The following EBF1 variants were observed in gnomAD, a reference collection of about 807,000 sequenced individuals.
The protein encoded by EBF1 is transcription factor COE1.
Under a neutral mutation model 68.4 loss-of-function variants are expected in EBF1, and 10 were observed. That is an observed-to-expected ratio of 0.15 (90% confidence interval 0.09 to 0.25). The LOEUF (loss-of-function observed/expected upper bound fraction) is 0.25, where lower values mean the gene tolerates loss of function less well. Among genes scored for constraint, EBF1 ranks in the 10% least tolerant of loss-of-function variants. The probability of loss-of-function intolerance (pLI) is 1.00; values close to 1 mark genes in which losing one functional copy is unlikely to be tolerated. For missense variants in EBF1, 509 were observed against 794.4 expected, an observed-to-expected ratio of 0.64 and a Z score of 4.32; for synonymous variants, 298 against 299.8, an observed-to-expected ratio of 0.99 and a Z score of 0.06.
chr5:158,815,937 TA>T (rs139212002), intron 8 of EBF1, among the ~76,000 whole-genome samples: 157 of 152,386 alleles, frequency 1.0e-3, no homozygotes, highest in Non-Finnish European at 1.8e-3. Context: ...CTCAGTGCTC[TA>T]TTTTATGACA....
intron 8 of EBF1, among the ~76,000 whole-genome samples, chr5:158,816,319 G>A (rs1257695153): frequency 2.0e-5 from 3 of 152,264 alleles, no homozygotes; most frequent in Admixed American, 6.5e-5. Flanking sequence ...AGGCATTGGG[G>A]TGGACCCCAA....
intron 5 of EBF1, among the ~76,000 whole-genome samples, chr5:159,080,878 C>A (rs899630800): frequency 6.6e-6 from 1 of 152,230 alleles, no homozygotes. Context: ...CAAAAAGTTA[C>A]AAATGTGCTG....
chr5:158,769,663 C>T (rs1459885685), intron 10 of EBF1, among the ~76,000 whole-genome samples: 1 of 151,846 alleles, frequency 6.6e-6, no homozygotes, highest in African/African-American at 2.4e-5. Flanking sequence ...CAAATGCCAG[C>T]AGATTCAGAA....
intron 6 of EBF1, among the ~76,000 whole-genome samples, chr5:159,048,027 T>C (rs1238034241): frequency 6.6e-6 from 1 of 152,124 alleles, no homozygotes; most frequent in African/African-American, 2.4e-5. Context: ...CACTATATTT[T>C]CCACATGCTC....
At chr5:158,967,584 G>A (rs1424841671) in intron 6 of EBF1, among the ~76,000 whole-genome samples, 1 of 152,164 alleles carries the variant, frequency 6.6e-6, no homozygotes, top group Non-Finnish European at 1.5e-5. Flanking sequence ...TAGTTGCTCA[G>A]AAGCCAAAGA....
intron 6 of EBF1, among the ~76,000 whole-genome samples, chr5:158,993,921 C>G (rs527528536): frequency 6.6e-6 from 1 of 152,268 alleles, no homozygotes; most frequent in East Asian, 1.9e-4. Context: ...TAAGTCTGTC[C>G]TAGGTAAATA....
chr5:158,853,605 A>T (rs548421387), intron 6 of EBF1, among the ~76,000 whole-genome samples: 2 of 152,334 alleles, frequency 1.3e-5, no homozygotes, highest in South Asian at 4.1e-4. Context: ...AATGCCCTCC[A>T]AGAAAGATAA....
At chr5:158,870,926 T>C (rs187123875) in intron 6 of EBF1, among the ~76,000 whole-genome samples, 7 of 152,194 alleles carry the variant, frequency 4.6e-5, no homozygotes, top group Admixed American at 3.9e-4. Flanking sequence ...TTTCCAAATA[T>C]TTGAACTATT....
Position 158,922,948 on chromosome 5 carries a change from A to T in EBF1, c.555-82838T>A, listed in dbSNP as rs950921807. On this transcript the variant is annotated intron_variant, in intron 6 of 15. Transcript: ENST00000313708. ...TTTGAGAATTCAAGTGGCCACTTGTATCTGCAAAGTAAGAAGTAAGTGGCT... is the reference window on the plus strand; with the variant it reads ...TTTGAGAATTCAAGTGGCCACTTGTTTCTGCAAAGTAAGAAGTAAGTGGCT... 1.6e-4 allele frequency among the ~76,000 whole-genome samples: 24 copies of T among 152,242 alleles called. 1 individual carries two copies. Among genetic ancestry groups the T allele is most frequent in the African/African-American group, 4.6e-4 (19 of 41,458 alleles).
At chr5:159,065,271 C>T (rs13181905) in intron 6 of EBF1, among the ~76,000 whole-genome samples, 1 of 151,762 alleles carries the variant, frequency 6.6e-6, no homozygotes, top group Non-Finnish European at 1.5e-5. Context: ...AGGGAACAAC[C>T]TTTTGACCAT....
At chr5:158,885,787 A>G (rs1283403373) in intron 6 of EBF1, among the ~76,000 whole-genome samples, 1 of 152,258 alleles carries the variant, frequency 6.6e-6, no homozygotes, top group Non-Finnish European at 1.5e-5. Context: ...GGGTCTGCCA[A>G]GCACCGAAGG....
At chr5:158,996,370 T>G (rs1257284732) in intron 6 of EBF1, among the ~76,000 whole-genome samples, 1 of 152,238 alleles carries the variant, frequency 6.6e-6, no homozygotes, top group Non-Finnish European at 1.5e-5. Context: ...TTTATGAAAT[T>G]TTTAACTAAC....
At chr5:158,846,126 A>G (rs1353737504) in intron 6 of EBF1, among the ~76,000 whole-genome samples, 1 of 152,176 alleles carries the variant, frequency 6.6e-6, no homozygotes, top group Non-Finnish European at 1.5e-5. Flanking sequence ...TATGTGGCAG[A>G]TGATCCTTCC....
At chr5:159,060,986 T>C (rs954113553) in intron 6 of EBF1, among the ~76,000 whole-genome samples, 1 of 149,898 alleles carries the variant, frequency 6.7e-6, no homozygotes, top group African/African-American at 2.5e-5. Context: ...CCCTCAGCCA[T>C]CTATGAGAGA....
chr5:158,823,355 A>G, intron 7 of EBF1, 38 bp from the exon 8 acceptor site: 1 of 1,578,880 alleles, frequency 6.3e-7, no homozygotes, highest in South Asian at 1.2e-5. Flanking sequence ...ACATTTTAAT[A>G]TAAAAGCGTG....
intron 6 of EBF1, among the ~76,000 whole-genome samples, chr5:158,943,652 A>G (rs748726754): frequency 1.3e-5 from 2 of 152,154 alleles, no homozygotes. Context: ...GATTTTACCT[A>G]AGAGTGTGGC....
intron 9 of EBF1, among the ~76,000 whole-genome samples, chr5:158,788,992 G>GTT (rs35687472): frequency 8.7e-5 from 13 of 148,758 alleles, no homozygotes; most frequent in African/African-American, 2.7e-4. Flanking sequence ...ATTTTTATCT[G>GTT]TTTTTTTTTT....
intron 6 of EBF1, among the ~76,000 whole-genome samples, chr5:158,861,593 G>A (rs1005157607): frequency 6.6e-6 from 1 of 152,192 alleles, no homozygotes; most frequent in African/African-American, 2.4e-5. Context: ...CACAGGAGTT[G>A]AGAGAAATGT....
chr5:158,863,609 C>T (rs982324774), intron 6 of EBF1, among the ~76,000 whole-genome samples: 8 of 152,002 alleles, frequency 5.3e-5, no homozygotes, highest in African/African-American at 9.7e-5. Flanking sequence ...CTGTAAACCA[C>T]GTGTGTGTGT....
Sources: gnomAD v4.1 joint callset for allele counts (sites outside exome capture counted in the v4.1 genomes callset) on GRCh38, gnomAD v4.1.1 for gene constraint, MANE v1.5 for transcripts, NCBI Gene and HGNC (gene_info 2026-07-23, HGNC 2026-07-21) for gene names.